STX2: variants seen among roughly 807,000 people sequenced by gnomAD.
STX2 encodes the protein syntaxin 2.
STX2 carries 27 observed loss-of-function variants against 40.6 expected under a neutral mutation model. The observed-to-expected ratio is 0.66, with a 90% CI of 0.49 to 0.92. The LOEUF is 0.92. Among genes scored for constraint, STX2 ranks in the 40% least tolerant of loss-of-function variants. The probability of loss-of-function intolerance (pLI) is 0.00; values close to 1 mark genes in which losing one functional copy is unlikely to be tolerated. For synonymous variants in STX2, 123 were observed against 119.1 expected, an observed-to-expected ratio of 1.03 and a Z score of -0.22; for missense variants, 328 against 366.1, an observed-to-expected ratio of 0.90 and a Z score of 0.85.
Position 130,808,635 on chromosome 12 carries a change from G to C in STX2, c.350C>G (p.Thr117Ser). The C allele has an allele frequency of 6.2e-7, 1 of 1,612,836 alleles. No homozygotes were observed. Among genetic ancestry groups the C allele is most frequent in the Admixed American group, 1.7e-5 (1 of 59,752 alleles). Residue 117 changes from threonine (T) to serine (S), a missense_variant, in exon 5 of 11, where the codon ACC becomes AGC. By Grantham distance (58) the Thr-to-Ser change is moderately conservative. Coordinates refer to ENST00000392373, the MANE Select transcript of STX2 (RefSeq NM_194356.4). ...TAAACGAGGCTGATAGCAAACCTGG[G>C]TTCTTCGTATCCGAAGATCCACTGA... ...RTSVDLRIRRTQHSVLSRKFV... is the reference protein window; with the variant it reads ...RTSVDLRIRRSQHSVLSRKFV...
chr12:130,838,888 C>T (rs1397157800), intron 1 of STX2, among the ~76,000 whole-genome samples, 182 bp downstream of exon 1: 1 of 150,676 alleles, frequency 6.6e-6, no homozygotes, highest in East Asian at 2.0e-4. Context: ...GCCCTGGGGA[C>T]CCCACCAGCA....
intron 2 of STX2, 91 bp from the exon 3 acceptor site, chr12:130,821,879 T>C (rs781111473): frequency 1.1e-5 from 8 of 719,408 alleles, no homozygotes; most frequent in Non-Finnish European, 1.6e-5. Context: ...AGGAGGGAAA[T>C]AAATAATTAC....
At chr12:130,815,347 G>C (rs1476270710) in intron 3 of STX2, among the ~76,000 whole-genome samples, 1 of 152,158 alleles carries the variant, frequency 6.6e-6, no homozygotes, top group African/African-American at 2.4e-5. Flanking sequence ...CAAAGAACTG[G>C]CCTCCATCCT....
At chr12:130,804,138 T>C (rs1020152546) in intron 6 of STX2, among the ~76,000 whole-genome samples, 1 of 152,186 alleles carries the variant, frequency 6.6e-6, no homozygotes, top group Non-Finnish European at 1.5e-5. Flanking sequence ...CTATGTAACA[T>C]GCCCTGGTCC....
chr12:130,834,468 T>C (rs576109381), intron 1 of STX2, among the ~76,000 whole-genome samples: 1 of 150,916 alleles, frequency 6.6e-6, no homozygotes, highest in South Asian at 2.1e-4. Flanking sequence ...GAGGGGCGTA[T>C]CAGTCCGGAG....
intron 1 of STX2, among the ~76,000 whole-genome samples, chr12:130,835,980 A>G (rs11061159): frequency 0.17 from 25,641 of 152,218 alleles, 2,784 homozygotes; most frequent in Non-Finnish European, 0.23. Flanking sequence ...AAGAAACTTC[A>G]TGGAAGCATC....
chr12:130,799,048 AC>A (rs1481493657), intron 8 of STX2, among the ~76,000 whole-genome samples: 1 of 152,252 alleles, frequency 6.6e-6, no homozygotes, highest in African/African-American at 2.4e-5. Context: ...GAAAATTGTA[AC>A]TACTTCTTTA....
intron 2 of STX2, among the ~76,000 whole-genome samples, chr12:130,823,572 AT>A (rs1159159924): frequency 6.6e-6 from 1 of 152,212 alleles, no homozygotes; most frequent in Non-Finnish European, 1.5e-5. Flanking sequence ...AGCTGGAGTG[AT>A]GGCTTTCAAG....
At chr12:130,833,410 C>CTT (rs5801939) in intron 1 of STX2, among the ~76,000 whole-genome samples, 31 of 120,644 alleles carry the variant, frequency 2.6e-4, no homozygotes, top group East Asian at 1.3e-3. Context: ...ATCACTCTAC[C>CTT]TTTTTTTTTT....
rs1400232325 is a variant in STX2 at position 130,819,345 on chromosome 12, A to G, written c.205+2344T>C. On this transcript the variant is annotated intron_variant, in intron 3 of 10. Coordinates refer to ENST00000392373, the MANE Select transcript of STX2 (RefSeq NM_194356.4). ...CACCCTCCCCTCTTCCTTTAGGAACAAGGCGGGAAGGCCAAGAGCCTGTCC... is the reference window on the plus strand; with the variant it reads ...CACCCTCCCCTCTTCCTTTAGGAACGAGGCGGGAAGGCCAAGAGCCTGTCC... Among the ~76,000 whole-genome samples the G allele has an allele frequency of 2.7e-5, 4 of 149,786 alleles. 1 individual carries two copies. In the South Asian group the frequency reaches 6.4e-4, roughly 24 times the overall value.
chr12:130,837,022 C>T (rs747230019), intron 1 of STX2, among the ~76,000 whole-genome samples: 2 of 151,862 alleles, frequency 1.3e-5, no homozygotes, highest in South Asian at 4.2e-4. Context: ...GCCAAGAAAA[C>T]GTACTTTCTC....
intron 9 of STX2, among the ~76,000 whole-genome samples, chr12:130,797,176 C>G (rs1951056586): frequency 6.6e-6 from 1 of 152,342 alleles, no homozygotes; most frequent in Admixed American, 6.5e-5. Context: ...AGAATGAAAA[C>G]GTATCACACC....
rs560018711 is a variant in STX2, at chr12:130,794,945, C to A, written c.*45+1050G>T. 3.9e-5 allele frequency among the ~76,000 whole-genome samples: 6 copies of A among 152,278 alleles called. No homozygotes were observed. The South Asian group carries it at 1.2e-3, about 32-fold the overall frequency. On this transcript the variant is annotated intron_variant, in intron 10 of 10. Coordinates refer to ENST00000392373, the MANE Select transcript of STX2 (RefSeq NM_194356.4). ...CCAAACATTTACAGAGAAATCACTGCTGTGTCCACCTGTAACACACCGACA... is the reference window on the plus strand; with the variant it reads ...CCAAACATTTACAGAGAAATCACTGATGTGTCCACCTGTAACACACCGACA...
At position 130,813,049 on chromosome 12, in the gene STX2, T is replaced by G; in HGVS notation, c.206-18A>C. ...TTTTATTTCTATAAAAATTTAAAAT[T>G]AAAAAATAAAATACAGCATCTGAGC... On this transcript the variant is annotated intron_variant, in intron 3 of 10. Transcript: ENST00000392373. 4.3e-6 allele frequency: 6 copies of G among 1,408,734 alleles called. No individual in the cohort carries two copies. In the South Asian group the frequency reaches 7.2e-5, roughly 17 times the overall value. The allele number at this position is 1,408,734 out of a possible 1,614,324, so 87.3% of individuals were successfully genotyped here.
At chr12:130,814,752 T>C (rs1951797371) in intron 3 of STX2, among the ~76,000 whole-genome samples, 1 of 145,598 alleles carries the variant, frequency 6.9e-6, no homozygotes, top group African/African-American at 2.5e-5. Context: ...TTCTCCTGCC[T>C]CAGCCTCCCA....
intron 3 of STX2, among the ~76,000 whole-genome samples, chr12:130,819,540 T>C (rs1228126697): frequency 6.6e-6 from 1 of 152,214 alleles, no homozygotes; most frequent in Admixed American, 6.5e-5. Context: ...CAAAAGGGAC[T>C]ATCATGAAAC....
At chr12:130,814,504 A>G (rs1951783290) in intron 3 of STX2, among the ~76,000 whole-genome samples, 1 of 151,956 alleles carries the variant, frequency 6.6e-6, no homozygotes, top group Non-Finnish European at 1.5e-5. Context: ...GAGGAGGCCA[A>G]CTACAGGCTG....
intron 8 of STX2, 152 bp downstream of exon 8, chr12:130,801,001 T>C: frequency 1.3e-6 from 1 of 761,392 alleles, no homozygotes; most frequent in Middle Eastern, 3.4e-4. Context: ...GCTTCCAGCA[T>C]TTCAGCATCA....
intron 2 of STX2, among the ~76,000 whole-genome samples, 188 bp from the exon 3 acceptor site, chr12:130,821,976 T>G (rs1346615980): frequency 6.6e-6 from 1 of 152,228 alleles, no homozygotes; most frequent in Non-Finnish European, 1.5e-5. Context: ...TATTTCTACC[T>G]TCATACCTAA....
Sources: gnomAD v4.1 joint callset for allele counts (sites outside exome capture counted in the v4.1 genomes callset) on GRCh38, gnomAD v4.1.1 for gene constraint, MANE v1.5 for transcripts, NCBI Gene and HGNC (gene_info 2026-07-23, HGNC 2026-07-21) for gene names.